Variants in INO80 observed in about 807,000 individuals in gnomAD.
The protein encoded by INO80 is INO80 complex ATPase subunit.
In INO80, 20 loss-of-function variants were observed where a neutral mutation model predicts 203.4. The observed-to-expected ratio is 0.10, with a 90% CI of 0.07 to 0.14. The LOEUF is 0.14. INO80 is among the 10% of genes least tolerant of loss of function. The pLI is 1.00. For synonymous variants in INO80, 726 were observed against 685.2 expected, an observed-to-expected ratio of 1.06 and a Z score of -0.93; for missense variants, 1,419 against 1,914.4, an observed-to-expected ratio of 0.74 and a Z score of 4.83.
chr15:41,008,027 A>G (rs2044075880), intron 27 of INO80, among the ~76,000 whole-genome samples: 1 of 152,150 alleles, frequency 6.6e-6, no homozygotes. Flanking sequence ...TACAAAAATT[A>G]GCTGGGTGTG....
rs558819147 is a variant in INO80, at chr15:40,985,666, T to C, written c.3833-240A>G. On this transcript the variant is annotated intron_variant, in intron 31 of 35. Transcript: ENST00000648947. Reference sequence around the variant, plus strand: ...GACTCACGTCTGTAATCCCAGCACTTTGGGAGGCTGGGGCAGGCTGATGGC... The same window carrying C: ...GACTCACGTCTGTAATCCCAGCACTCTGGGAGGCTGGGGCAGGCTGATGGC... Among the ~76,000 whole-genome samples the C allele has an allele frequency of 2.1e-4, 32 of 152,240 alleles. No homozygotes were observed. In the East Asian group the frequency reaches 3.1e-3, roughly 15 times the overall value.
At chr15:41,024,646 A>C (rs910331407) in intron 25 of INO80, 4 of 152,250 alleles carry the variant, frequency 2.6e-5, no homozygotes, top group Admixed American at 1.3e-4. Context: ...TGGTAAGAAT[A>C]ATTCCTAAGG....
In INO80 at chr15:41,009,231, C is replaced by T. The variant is rs75725239; in HGVS notation, c.3403-3544G>A. On this transcript the variant is annotated intron_variant, in intron 27 of 35. Transcript: ENST00000648947. ...TTGTTTTTAAGTTCCTTATACTGTT[C>T]TTTTTTTTTTTTTATTATACTTTAA... 2.7e-3 allele frequency among the ~76,000 whole-genome samples: 402 copies of T among 147,852 alleles called. 2 individuals carry two copies. Among genetic ancestry groups the T allele is most frequent in the South Asian group, 0.013 (61 of 4,690 alleles).
At chr15:41,079,609 A>T in intron 9 of INO80, 92 bp downstream of exon 9, 1 of 1,100,894 alleles carries the variant, frequency 9.1e-7, no homozygotes, top group Non-Finnish European at 1.4e-6. Context: ...TGACAGTGTC[A>T]TTGGTTAGAT....
rs78069827 is a variant in INO80 at position 41,096,605 on chromosome 15, T to C, written c.-43-252A>G. Among the ~76,000 whole-genome samples the C allele has an allele frequency of 6.1e-3, 931 of 152,350 alleles. 10 individuals are homozygous for C. The highest frequency in any genetic ancestry group is 0.022 in the African/African-American group (902 of 41,578). On this transcript the variant is annotated intron_variant, in intron 1 of 35. Coordinates refer to ENST00000648947, the MANE Select transcript of INO80 (RefSeq NM_017553.3). The stretch of plus-strand genomic sequence containing the variant: ...TACATTTCACAATGAAAATTCATAC[T>C]ATACTTTTTCAAAACAGTATCTTAA...
chr15:41,084,014 CT>C (rs1051585670), intron 7 of INO80, among the ~76,000 whole-genome samples: 1 of 152,038 alleles, frequency 6.6e-6, no homozygotes, highest in African/African-American at 2.4e-5. Context: ...ATCACATGGA[CT>C]TTAGTATCAA....
chr15:41,002,900 T>C (rs894347664), intron 28 of INO80, among the ~76,000 whole-genome samples: 2 of 152,098 alleles, frequency 1.3e-5, no homozygotes, highest in African/African-American at 4.8e-5. Flanking sequence ...GTCAGGAGAT[T>C]GAGACCATCC....
intron 12 of INO80, 104 bp from the exon 13 acceptor site, chr15:41,070,651 A>C: frequency 1.1e-6 from 1 of 917,870 alleles, no homozygotes; most frequent in South Asian, 1.4e-5. Context: ...TTTAAAGAGA[A>C]GTGACCAGAG....
rs374202374 is a variant in INO80, at chr15:40,998,211, C to T, written c.3498-610G>A. 3.6e-4 allele frequency among the ~76,000 whole-genome samples: 55 copies of T among 151,818 alleles called. 1 individual carries two copies. The South Asian group carries it at 0.011, about 30-fold the overall frequency. The stretch of plus-strand genomic sequence containing the variant: ...TAATTTTTAATATTTTTAGTAGAGA[C>T]GGGGTTTCATCATATTGGCCAGGCT... On this transcript the variant is annotated intron_variant, in intron 28 of 35. Transcript: ENST00000648947.
chr15:41,035,730 G>C (rs554674088), intron 24 of INO80, among the ~76,000 whole-genome samples: 1 of 143,022 alleles, frequency 7.0e-6, no homozygotes, highest in Admixed American at 7.6e-5. Flanking sequence ...GCTGACGCAG[G>C]AGAATGGCGT....
At chr15:41,009,228 GTTCTT>G (rs1397415525) in intron 27 of INO80, among the ~76,000 whole-genome samples, 1 of 46,146 alleles carries the variant, frequency 2.2e-5, no homozygotes, top group Non-Finnish European at 7.0e-5. Context: ...TCCTTATACT[GTTCTT>G]TTTTTTTTTT....
At chr15:41,057,034 C>A (rs896070017) in intron 16 of INO80, among the ~76,000 whole-genome samples, 1 of 152,176 alleles carries the variant, frequency 6.6e-6, no homozygotes, top group Non-Finnish European at 1.5e-5. Flanking sequence ...TTAGAAAGTA[C>A]ATATCTGTGG....
At chr15:40,983,471 C>T (rs1036475475) in intron 34 of INO80, among the ~76,000 whole-genome samples, 8 of 152,134 alleles carry the variant, frequency 5.3e-5, no homozygotes, top group Non-Finnish European at 1.5e-5. Context: ...GAAATGGCAG[C>T]AACACTAGAC....
chr15:41,014,051 C>G (rs533568852), intron 27 of INO80, among the ~76,000 whole-genome samples: 2 of 152,138 alleles, frequency 1.3e-5, no homozygotes, highest in Non-Finnish European at 2.9e-5. Flanking sequence ...TTATCATACT[C>G]TGAATTACTT....
intron 29 of INO80, among the ~76,000 whole-genome samples, chr15:40,995,368 T>A (rs2043868123): frequency 6.6e-6 from 1 of 152,164 alleles, no homozygotes; most frequent in Non-Finnish European, 1.5e-5. Context: ...GAACAGTTTA[T>A]CCAACAGTGT....
chr15:41,007,313 G>T (rs2044060847), intron 27 of INO80, among the ~76,000 whole-genome samples: 1 of 151,450 alleles, frequency 6.6e-6, no homozygotes, highest in Non-Finnish European at 1.5e-5. Flanking sequence ...CTCCCTAGCA[G>T]CTGGGATTAC....
chr15:41,082,782 G>A (rs1383541137), intron 7 of INO80, among the ~76,000 whole-genome samples: 1 of 152,140 alleles, frequency 6.6e-6, no homozygotes, highest in Non-Finnish European at 1.5e-5. Flanking sequence ...TACTAAGGAG[G>A]CTGAGGTGCG....
At chr15:40,983,120 A>G (rs755334580) in intron 34 of INO80, 43 bp from the exon 35 acceptor site, 1 of 1,451,834 alleles carries the variant, frequency 6.9e-7, no homozygotes, top group South Asian at 1.2e-5. Context: ...AAAAAAAAAA[A>G]GTCAATCTCC....
intron 9 of INO80, among the ~76,000 whole-genome samples, chr15:41,074,898 C>T (rs1474984095): frequency 6.6e-6 from 1 of 152,082 alleles, no homozygotes; most frequent in African/African-American, 2.4e-5. Flanking sequence ...GTGAGCACCA[C>T]TAAACTCGGC....
Sources: gnomAD v4.1 joint callset for allele counts (sites outside exome capture counted in the v4.1 genomes callset) on GRCh38, gnomAD v4.1.1 for gene constraint, MANE v1.5 for transcripts, NCBI Gene and HGNC (gene_info 2026-07-23, HGNC 2026-07-21) for gene names.